The following RAD51B variants were observed in gnomAD, a reference collection of about 807,000 sequenced individuals.
The protein encoded by RAD51B is DNA repair protein RAD51 homolog 2.
A neutral mutation model predicts 42.2 loss-of-function variants in RAD51B; 38 were observed. The ratio of observed to expected loss-of-function variants is 0.90; its 90% CI spans 0.70 to 1.18. The LOEUF (loss-of-function observed/expected upper bound fraction) is 1.18, where lower values mean the gene tolerates loss of function less well. Among genes scored for constraint, RAD51B ranks in the 50% most tolerant of loss-of-function variants. RAD51B has a pLI of 0.00. For synonymous variants in RAD51B, 154 were observed against 145.2 expected (o/e 1.06, Z -0.43); for missense variants, 373 against 400.7 (o/e 0.93, Z 0.59).
chr14:68,215,509 C>T lies in RAD51B; in HGVS notation c.757-76375C>T, dbSNP rs118035859. Among the ~76,000 whole-genome samples, 518 of 152,246 alleles carry T rather than the reference C, an allele frequency of 3.4e-3. 2 individuals carry two copies. The highest frequency in any genetic ancestry group is 5.4e-3 in the Non-Finnish European group (366 of 68,020). ...GTGCATTTAATCCTTATAATAGTTC[C>T]GGGAGTTAGGTGCTATTATCCCCAT... On this transcript the variant is annotated intron_variant, in intron 7 of 10. Transcript: ENST00000471583.
At chr14:68,513,511 TGGG>T (rs1277329458) in intron 10 of RAD51B, among the ~76,000 whole-genome samples, 1 of 152,216 alleles carries the variant, frequency 6.6e-6, no homozygotes, top group Non-Finnish European at 1.5e-5. Flanking sequence ...TGGCCACCCA[TGGG>T]GGCTTCCAGA....
At chr14:68,374,300 G>C (rs1360316923) in intron 8 of RAD51B, among the ~76,000 whole-genome samples, 1 of 152,194 alleles carries the variant, frequency 6.6e-6, no homozygotes, top group Non-Finnish European at 1.5e-5. Context: ...CAAATGTGCT[G>C]TAAGCTGAAC....
chr14:68,385,237 G>A (rs943750908), intron 8 of RAD51B, among the ~76,000 whole-genome samples: 5 of 152,060 alleles, frequency 3.3e-5, no homozygotes, highest in Admixed American at 6.5e-5. Context: ...TGCCACCCTC[G>A]CTGCCACATC....
intron 10 of RAD51B, among the ~76,000 whole-genome samples, chr14:68,507,681 T>C (rs2140308594): frequency 6.6e-6 from 1 of 152,364 alleles, no homozygotes; most frequent in South Asian, 2.1e-4. Context: ...ACTCAGTGAC[T>C]GCTAATTAAC....
intron 11 of RAD51B, among the ~76,000 whole-genome samples, chr14:68,662,421 C>A (rs1892952277): frequency 6.6e-6 from 1 of 152,248 alleles, no homozygotes; most frequent in African/African-American, 2.4e-5. Flanking sequence ...AAGATGTCAG[C>A]TGCCTCTGAA....
chr14:68,336,564 A>G (rs141508625), intron 8 of RAD51B, among the ~76,000 whole-genome samples: 315 of 152,322 alleles, frequency 2.1e-3, no homozygotes, highest in African/African-American at 7.2e-3. Context: ...CGCTCTGATC[A>G]ATTACAAGCA....
At chr14:68,657,946 G>A (rs761205715) in intron 11 of RAD51B, among the ~76,000 whole-genome samples, 5 of 152,202 alleles carry the variant, frequency 3.3e-5, no homozygotes, top group Non-Finnish European at 7.3e-5. Context: ...CCCATGAGCT[G>A]ACTTTCTTCC....
chr14:68,310,727 C>G (rs549700944), intron 8 of RAD51B, among the ~76,000 whole-genome samples: 1 of 152,186 alleles, frequency 6.6e-6, no homozygotes, highest in South Asian at 2.1e-4. Flanking sequence ...CATCTGTAAT[C>G]CCGGCTACTC....
intron 10 of RAD51B, among the ~76,000 whole-genome samples, chr14:68,589,862 C>T (rs1168461390): frequency 2.6e-5 from 4 of 152,136 alleles, no homozygotes; most frequent in Non-Finnish European, 5.9e-5. Context: ...CCCCCATTTT[C>T]AGTTTTTGGC....
At chr14:68,393,125 C>G (rs528250588) in intron 8 of RAD51B, among the ~76,000 whole-genome samples, 2 of 152,182 alleles carry the variant, frequency 1.3e-5, no homozygotes, top group Non-Finnish European at 2.9e-5. Context: ...GTGCTTTGAG[C>G]TGCTGGGAAA....
At position 68,087,838 on chromosome 14, in the gene RAD51B, TATATAATTATTATATATA is replaced by T. The variant is rs1391712918; in HGVS notation, c.756+200635_756+200652del. 6.1e-4 allele frequency among the ~76,000 whole-genome samples: 81 copies of T among 132,398 alleles called. 1 individual carries two copies. Among genetic ancestry groups the T allele is most frequent in the African/African-American group, 1.1e-3 (36 of 33,762 alleles). 86.9% of individuals were successfully genotyped at this position (132,398 alleles called of 152,430 possible). On this transcript the variant is annotated intron_variant, in intron 7 of 10. Transcript: ENST00000471583. ...AAAATAATATTTTTAAATATTTAAT[TATATAATTATTATATATA>T]TAATTATATAATATATTATTTATAT... is the stretch of plus-strand genomic sequence containing the variant.
At chr14:67,837,349 A>G (rs1264524023) in intron 4 of RAD51B, among the ~76,000 whole-genome samples, 2 of 152,198 alleles carry the variant, frequency 1.3e-5, no homozygotes, top group Non-Finnish European at 2.9e-5. Context: ...AACTTAAGGA[A>G]GATTAACTGG....
In RAD51B at chr14:67,821,050, A is replaced by G. The variant is rs539745336; in HGVS notation, c.-3+1197A>G. Among the ~76,000 whole-genome samples, 57 of 152,296 alleles carry G rather than the reference A, an allele frequency of 3.7e-4. 1 individual carries two copies. Among genetic ancestry groups the G allele is most frequent in the African/African-American group, 1.2e-3 (50 of 41,554 alleles). On this transcript the variant is annotated intron_variant, in intron 1 of 10. Coordinates refer to ENST00000471583, the MANE Select transcript of RAD51B (RefSeq NM_133510.4). Reference sequence around the variant, plus strand: ...GTCTACCAGTCCCATGGGAAGTGTTAAAGGATAATCGTGACTTTTTAGGAA... The same window carrying G: ...GTCTACCAGTCCCATGGGAAGTGTTGAAGGATAATCGTGACTTTTTAGGAA...
intron 10 of RAD51B, among the ~76,000 whole-genome samples, chr14:68,559,519 T>TA (rs1332606766): frequency 2.6e-5 from 4 of 151,908 alleles, no homozygotes; most frequent in African/African-American, 9.7e-5. Context: ...CAGCTGGAAT[T>TA]ACAGGTGCCC....
intron 9 of RAD51B, among the ~76,000 whole-genome samples, chr14:68,456,577 T>C (rs1454270211): frequency 6.6e-6 from 1 of 152,100 alleles, no homozygotes; most frequent in Admixed American, 6.5e-5. Context: ...TGCCCCAAGA[T>C]ACATGAAGCA....
chr14:68,135,461 A>G (rs747253027), intron 7 of RAD51B, among the ~76,000 whole-genome samples: 15 of 152,152 alleles, frequency 9.9e-5, no homozygotes, highest in Non-Finnish European at 2.1e-4. Context: ...CTGCACACCT[A>G]CCAGCTTTGT....
chr14:68,493,351 T>C (rs1884230628), intron 10 of RAD51B, among the ~76,000 whole-genome samples: 1 of 152,108 alleles, frequency 6.6e-6, no homozygotes, highest in Non-Finnish European at 1.5e-5. Flanking sequence ...TTAAGAAAAA[T>C]CTGGATGGTA....
intron 7 of RAD51B, among the ~76,000 whole-genome samples, chr14:67,903,272 A>G (rs1423296655): frequency 6.6e-6 from 1 of 152,156 alleles, no homozygotes; most frequent in Admixed American, 6.5e-5. Context: ...TTATTCTGAA[A>G]AATACTCTCT....
chr14:68,494,427 C>G (rs770769695), intron 10 of RAD51B, among the ~76,000 whole-genome samples: 1 of 152,104 alleles, frequency 6.6e-6, no homozygotes, highest in African/African-American at 2.4e-5. Context: ...GAGCATTCCC[C>G]GAGGCACTCT....
Sources: gnomAD v4.1 joint callset for allele counts (sites outside exome capture counted in the v4.1 genomes callset) on GRCh38, gnomAD v4.1.1 for gene constraint, MANE v1.5 for transcripts, NCBI Gene and HGNC (gene_info 2026-07-23, HGNC 2026-07-21) for gene names.